Variants in PDE4D observed in about 807,000 individuals in gnomAD.
PDE4D encodes phosphodiesterase 4D.
A neutral mutation model predicts 87.4 loss-of-function variants in PDE4D; 24 were observed. That is an observed-to-expected ratio of 0.27 (90% CI 0.20 to 0.39). The LOEUF is 0.39. PDE4D is among the 10% of genes least tolerant of loss of function. The probability of loss-of-function intolerance (pLI) is 1.00; values close to 1 mark genes in which losing one functional copy is unlikely to be tolerated. For missense variants in PDE4D, 714 were observed against 1,041.0 expected (o/e 0.69, Z 4.32); for synonymous variants, 384 against 383.2 (o/e 1.00, Z -0.02).
intron 5 of PDE4D, among the ~76,000 whole-genome samples, chr5:59,103,985 T>G (rs1771167874): frequency 6.6e-6 from 1 of 152,314 alleles, no homozygotes; most frequent in Non-Finnish European, 1.5e-5. Context: ...AATGATAATA[T>G]CTACTATACA....
rs1764621442 is a variant in PDE4D, at chr5:59,781,525, T to C, written c.455+111643A>G. ...TTCCTGGGCCGAGCGCAGTGGCTCA[T>C]GCTTGTAATCCCAGCACTTTGGGAG... On this transcript the variant is annotated intron_variant, in intron 1 of 14. Coordinates refer to ENST00000340635, the MANE Select transcript of PDE4D (RefSeq NM_001104631.2). Among the ~76,000 whole-genome samples the C allele has an allele frequency of 3.3e-5, 5 of 152,092 alleles. No individual in the cohort carries two copies. In the South Asian group the frequency reaches 1.0e-3, roughly 32 times the overall value.
chr5:59,031,800 G>C (rs990133582), intron 6 of PDE4D, among the ~76,000 whole-genome samples: 2 of 150,518 alleles, frequency 1.3e-5, no homozygotes, highest in African/African-American at 4.9e-5. Flanking sequence ...GGAACTACAG[G>C]ACATTATGCT....
intron 1 of PDE4D, among the ~76,000 whole-genome samples, chr5:60,397,268 A>G (rs549827272): frequency 2.0e-5 from 3 of 152,330 alleles, no homozygotes; most frequent in African/African-American, 7.2e-5. Flanking sequence ...GAACTACCAT[A>G]TGATCCAGGA....
intron 1 of PDE4D, among the ~76,000 whole-genome samples, chr5:60,356,569 T>C (rs1019159729): frequency 2.0e-4 from 31 of 152,234 alleles, no homozygotes; most frequent in African/African-American, 7.5e-4. Flanking sequence ...ATGTCTGAAT[T>C]GAAGCCATTT....
chr5:59,410,491 C>A (rs1792467383), intron 1 of PDE4D, among the ~76,000 whole-genome samples: 1 of 152,150 alleles, frequency 6.6e-6, no homozygotes, highest in African/African-American at 2.4e-5. Context: ...AAGCAATCTG[C>A]CTGCCTCAGC....
chr5:60,054,582 T>C (rs79078913), intron 2 of PDE4D, among the ~76,000 whole-genome samples: 1 of 152,146 alleles, frequency 6.6e-6, no homozygotes, highest in African/African-American at 2.4e-5. Flanking sequence ...CTAATGTAGA[T>C]GATGGGTTGA....
At chr5:59,639,130 C>A (rs1270234839) in intron 1 of PDE4D, among the ~76,000 whole-genome samples, 1 of 152,076 alleles carries the variant, frequency 6.6e-6, no homozygotes, top group Non-Finnish European at 1.5e-5. Flanking sequence ...TTTATAATAT[C>A]ATTTCCAAAT....
intron 2 of PDE4D, among the ~76,000 whole-genome samples, chr5:60,087,837 A>G (rs768908688): frequency 6.6e-6 from 1 of 152,172 alleles, no homozygotes; most frequent in African/African-American, 2.4e-5. Flanking sequence ...AGCATATTTC[A>G]AAAAGTAACG....
intron 2 of PDE4D, among the ~76,000 whole-genome samples, chr5:60,091,698 C>T (rs181725266): frequency 6.6e-6 from 1 of 152,284 alleles, no homozygotes; most frequent in East Asian, 1.9e-4. Flanking sequence ...TTTATTACAG[C>T]ACTATCCACA....
At chr5:60,296,671 C>A (rs570401822) in intron 1 of PDE4D, among the ~76,000 whole-genome samples, 2 of 152,224 alleles carry the variant, frequency 1.3e-5, no homozygotes, top group East Asian at 3.9e-4. Flanking sequence ...CTTTTCACAA[C>A]AGCAAAGATT....
chr5:59,461,922 G>T lies in PDE4D; in HGVS notation c.456-245954C>A, dbSNP rs138641572. ...TTTAATAGGTCTTAATGCAATAATAGATTTAATGTTTAAAATTTAATGAAC... is the reference window on the plus strand; with the variant it reads ...TTTAATAGGTCTTAATGCAATAATATATTTAATGTTTAAAATTTAATGAAC... On this transcript the variant is annotated intron_variant, in intron 1 of 14. Coordinates refer to ENST00000340635, the MANE Select transcript of PDE4D (RefSeq NM_001104631.2). 6.9e-4 allele frequency among the ~76,000 whole-genome samples: 105 copies of T among 152,168 alleles called. No individual in the cohort carries two copies. The East Asian group carries it at 0.017, about 24-fold the overall frequency.
intron 5 of PDE4D, among the ~76,000 whole-genome samples, chr5:59,144,095 G>A (rs183708494): frequency 5.3e-4 from 81 of 152,262 alleles, no homozygotes; most frequent in Admixed American, 4.2e-3. Flanking sequence ...GTTTCTCTAT[G>A]GCTTATAAAG....
chr5:60,300,492 G>A (rs1753797379), intron 1 of PDE4D, among the ~76,000 whole-genome samples: 3 of 152,156 alleles, frequency 2.0e-5, no homozygotes, highest in Admixed American at 1.3e-4. Flanking sequence ...TGTCCTGAAT[G>A]GTAATGCCTA....
chr5:59,999,685 CAAAG>C (rs756910407), intron 2 of PDE4D, among the ~76,000 whole-genome samples: 14 of 151,626 alleles, frequency 9.2e-5, no homozygotes, highest in Non-Finnish European at 1.9e-4. Flanking sequence ...ACTAGGCACA[CAAAG>C]AAACAGGGAA....
chr5:59,408,452 A>G (rs1220902158), intron 1 of PDE4D, among the ~76,000 whole-genome samples: 1 of 152,240 alleles, frequency 6.6e-6, no homozygotes, highest in Non-Finnish European at 1.5e-5. Flanking sequence ...GTCCTCACAG[A>G]AAACCTCTAC....
intron 1 of PDE4D, among the ~76,000 whole-genome samples, chr5:59,602,035 A>G (rs1827581899): frequency 6.6e-6 from 1 of 152,036 alleles, no homozygotes; most frequent in Non-Finnish European, 1.5e-5. Context: ...CAAACTAGCC[A>G]ACTGAATTTA....
intron 1 of PDE4D, among the ~76,000 whole-genome samples, chr5:60,418,806 C>T (rs887422115): frequency 1.1e-4 from 17 of 152,088 alleles, no homozygotes; most frequent in African/African-American, 4.1e-4. Flanking sequence ...GTTGTGCTAT[C>T]AAATAGTAGG....
chr5:59,753,330 T>TAGGCAGAAGGAGGGCA (rs571134541), intron 1 of PDE4D, among the ~76,000 whole-genome samples: 140 of 152,250 alleles, frequency 9.2e-4, no homozygotes, highest in South Asian at 3.1e-3. Flanking sequence ...TCCATAGGCC[T>TAGGCAGAAGGAGGGCA]AGGCAGAAGG....
At chr5:60,009,308 C>T (rs1371750218) in intron 2 of PDE4D, among the ~76,000 whole-genome samples, 1 of 152,068 alleles carries the variant, frequency 6.6e-6, no homozygotes, top group Non-Finnish European at 1.5e-5. Context: ...AGGTGATCAT[C>T]ACTTTCCTTT....
Sources: gnomAD v4.1 joint callset for allele counts (sites outside exome capture counted in the v4.1 genomes callset) on GRCh38, gnomAD v4.1.1 for gene constraint, MANE v1.5 for transcripts, NCBI Gene and HGNC (gene_info 2026-07-23, HGNC 2026-07-21) for gene names.